AJAP1: variants seen among roughly 807,000 people sequenced by gnomAD.
AJAP1 encodes the protein adherens junction-associated protein 1.
AJAP1 carries 5 observed loss-of-function variants against 35.0 expected under a neutral mutation model. That is an observed-to-expected ratio of 0.14 (90% CI 0.07 to 0.30). The LOEUF is 0.30. Ranked by LOEUF, AJAP1 falls within the 10% of genes least tolerant of loss-of-function variation. The probability of loss-of-function intolerance (pLI) is 1.00; values close to 1 mark genes in which losing one functional copy is unlikely to be tolerated. For synonymous variants in AJAP1, 284 were observed against 249.3 expected, an observed-to-expected ratio of 1.14 and a Z score of -1.31; for missense variants, 586 against 571.0, an observed-to-expected ratio of 1.03 and a Z score of -0.27.
At chr1:4,739,830 C>A (rs950068598) in intron 2 of AJAP1, among the ~76,000 whole-genome samples, 1 of 152,062 alleles carries the variant, frequency 6.6e-6, no homozygotes, top group African/African-American at 2.4e-5. Flanking sequence ...TCTTCTGCAT[C>A]CCTCCTAAAG....
At chr1:4,679,852 T>TGTGTGTGTGTGTGTGTGG (rs1553154879) in intron 1 of AJAP1, among the ~76,000 whole-genome samples, 1 of 141,020 alleles carries the variant, frequency 7.1e-6, no homozygotes, top group East Asian at 2.1e-4. Context: ...TGTGTGTGTG[T>TGTGTGTGTGTGTGTGTGG]AGAGAGAGAT....
intron 2 of AJAP1, among the ~76,000 whole-genome samples, chr1:4,756,922 G>T (rs938278082): frequency 5.9e-5 from 9 of 152,110 alleles, no homozygotes; most frequent in African/African-American, 1.4e-4. Context: ...ACCTCAGGCT[G>T]CCCCTAGCCC....
chr1:4,782,007 C>G lies in AJAP1; in HGVS notation c.*60-538C>G, dbSNP rs1043954005. 6.6e-6 allele frequency among the ~76,000 whole-genome samples: 1 copy of G among 152,166 alleles called. No homozygotes were observed. The highest frequency in any genetic ancestry group is 1.5e-5 in the Non-Finnish European group (1 of 68,028). On this transcript the variant is annotated intron_variant, in intron 5 of 5. Coordinates refer to ENST00000378191, the MANE Select transcript of AJAP1 (RefSeq NM_018836.4). The surrounding 1 kb of genome is among the most constrained non-coding windows in gnomAD (Gnocchi z 5.3). ...TGGGGAGATGTGGGAGGTGGATTTT[C>G]TGATGCAGTCCATTTATCTCTCCCG...
intron 1 of AJAP1, among the ~76,000 whole-genome samples, chr1:4,666,209 G>A (rs1639114463): frequency 6.6e-6 from 1 of 151,984 alleles, no homozygotes; most frequent in Non-Finnish European, 1.5e-5. Flanking sequence ...CCACCCAGGA[G>A]GGGCACCCCG....
intron 2 of AJAP1, among the ~76,000 whole-genome samples, chr1:4,724,259 G>C (rs1038576416): frequency 6.6e-6 from 1 of 152,134 alleles, no homozygotes; most frequent in Non-Finnish European, 1.5e-5. Flanking sequence ...CAAGGAGAGG[G>C]GGCACTTGAG....
intron 1 of AJAP1, among the ~76,000 whole-genome samples, chr1:4,696,153 A>AG (rs535991627): frequency 6.6e-6 from 1 of 151,098 alleles, no homozygotes; most frequent in Non-Finnish European, 1.5e-5. Flanking sequence ...TTTTGGGTTG[A>AG]GGGGGGGAGC....
Position 4,771,435 on chromosome 1 carries a change from C to T in AJAP1, c.918-845C>T, listed in dbSNP as rs557003829. Among the ~76,000 whole-genome samples, 48 of 152,308 alleles carry T rather than the reference C, an allele frequency of 3.2e-4. No individual in the cohort carries two copies. The South Asian group carries it at 8.5e-3, about 27-fold the overall frequency. On this transcript the variant is annotated intron_variant, in intron 3 of 5. Transcript: ENST00000378191. ...CCCCTCCCTGTACACAGGCCCTGAGCGTGAAGGGGAAGGGGCGGGCAGGGG... is the reference window on the plus strand; with the variant it reads ...CCCCTCCCTGTACACAGGCCCTGAGTGTGAAGGGGAAGGGGCGGGCAGGGG...
At chr1:4,707,247 C>T (rs114218836) in intron 1 of AJAP1, among the ~76,000 whole-genome samples, 2,398 of 152,296 alleles carry the variant, frequency 0.016, 62 homozygotes, top group African/African-American at 0.054. Context: ...CTTGCACACA[C>T]CCCATTCTCT....
At chr1:4,740,055 G>T (rs1009548354) in intron 2 of AJAP1, among the ~76,000 whole-genome samples, 13 of 152,142 alleles carry the variant, frequency 8.5e-5, no homozygotes, top group African/African-American at 3.1e-4. Flanking sequence ...TCAGAGAGAT[G>T]TGCGCATACC....
chr1:4,722,824 G>A (rs754536381), intron 2 of AJAP1, among the ~76,000 whole-genome samples: 13 of 152,350 alleles, frequency 8.5e-5, no homozygotes, highest in Non-Finnish European at 1.9e-4. Flanking sequence ...GTCACATCCA[G>A]GCCCAGTGTG....
intron 1 of AJAP1, among the ~76,000 whole-genome samples, chr1:4,711,452 AG>A (rs1640232385): frequency 6.6e-6 from 1 of 152,174 alleles, no homozygotes; most frequent in African/African-American, 2.4e-5. Flanking sequence ...CTGGGGTCCC[AG>A]GTGGAGGCCG....
chr1:4,691,594 A>C (rs1256098594), intron 1 of AJAP1, among the ~76,000 whole-genome samples: 2 of 152,080 alleles, frequency 1.3e-5, no homozygotes, highest in Admixed American at 1.3e-4. Context: ...GGAGAGTCGG[A>C]GCTAACTCCG....
intron 2 of AJAP1, among the ~76,000 whole-genome samples, chr1:4,736,139 A>G (rs1045699555): frequency 6.6e-5 from 10 of 152,268 alleles, no homozygotes; most frequent in Non-Finnish European, 1.3e-4. Flanking sequence ...GTGCCCTGGC[A>G]CATGGTAAAG....
At chr1:4,672,776 C>T (rs775439666) in intron 1 of AJAP1, among the ~76,000 whole-genome samples, 7 of 152,190 alleles carry the variant, frequency 4.6e-5, no homozygotes, top group Non-Finnish European at 5.9e-5. Flanking sequence ...CATAACCCCA[C>T]ACAGCAAAGG....
chr1:4,689,494 C>T (rs1278123918), intron 1 of AJAP1, among the ~76,000 whole-genome samples: 1 of 152,180 alleles, frequency 6.6e-6, no homozygotes, highest in Admixed American at 6.5e-5. Flanking sequence ...GGGCCAGAAG[C>T]CTCTGAGCCG....
chr1:4,763,273 G>A (rs1641612506), intron 2 of AJAP1, among the ~76,000 whole-genome samples: 1 of 152,188 alleles, frequency 6.6e-6, no homozygotes, highest in South Asian at 2.1e-4. Flanking sequence ...GGCCCTTTGG[G>A]GCAATTCCCT....
rs926909883 is a variant in AJAP1 at position 4,720,477 on chromosome 1, G to GC, written c.829+7781dup. ...CAAAGCTGGTGCCAGCGGAGAGAGC[G>GC]CCCACCTTGGCTCAGATGGACCCAG... On this transcript the variant is annotated intron_variant, in intron 2 of 5. Coordinates refer to ENST00000378191, the MANE Select transcript of AJAP1 (RefSeq NM_018836.4). The surrounding 1 kb of genome is among the most constrained non-coding windows in gnomAD (Gnocchi z 4.4). Among the ~76,000 whole-genome samples, 3 of 152,172 alleles carry GC rather than the reference G, an allele frequency of 2.0e-5. No individual in the cohort carries two copies. The highest frequency in any genetic ancestry group is 2.9e-5 in the Non-Finnish European group (2 of 68,022).
chr1:4,722,931 G>A (rs1318158120), intron 2 of AJAP1, among the ~76,000 whole-genome samples: 2 of 152,156 alleles, frequency 1.3e-5, no homozygotes, highest in East Asian at 3.9e-4. Context: ...ATGAGGATTT[G>A]GGGTTTATTC....
At chr1:4,766,217 T>C (rs1413044567) in intron 2 of AJAP1, among the ~76,000 whole-genome samples, 1 of 76,534 alleles carries the variant, frequency 1.3e-5, no homozygotes, top group East Asian at 2.2e-4. Flanking sequence ...CTGTGGCTGC[T>C]TTTTTTGCTA....
Sources: allele counts gnomAD v4.1 joint callset (sites outside exome capture counted in the v4.1 genomes callset), GRCh38; gene constraint gnomAD v4.1.1; non-coding constraint Gnocchi (gnomAD v3.1); transcripts MANE v1.5; gene names NCBI Gene and HGNC (gene_info 2026-07-23, HGNC 2026-07-21).